Variants in KIRREL3 observed in about 807,000 individuals in gnomAD.
KIRREL3 encodes kirre like nephrin family adhesion molecule 3.
KIRREL3 carries 36 observed loss-of-function variants against 89.7 expected under a neutral mutation model. That is an observed-to-expected ratio of 0.40 (90% CI 0.31 to 0.53). The LOEUF (loss-of-function observed/expected upper bound fraction) is 0.53. Ranked by LOEUF, KIRREL3 falls within the 20% of genes least tolerant of loss-of-function variation. The probability of loss-of-function intolerance (pLI) is 0.49; values close to 1 mark genes in which losing one functional copy is unlikely to be tolerated. For missense variants in KIRREL3, 864 were observed against 1,056.6 expected (o/e 0.82, Z 2.53); for synonymous variants, 445 against 441.4 (o/e 1.01, Z -0.10).
At chr11:126,947,539 G>A (rs1305803099) in intron 1 of KIRREL3, among the ~76,000 whole-genome samples, 5 of 152,196 alleles carry the variant, frequency 3.3e-5, no homozygotes, top group East Asian at 1.9e-4. Flanking sequence ...ATTTGACAGC[G>A]TAGCTAAAAG....
rs1212730329 is a variant in KIRREL3 at position 126,614,427 on chromosome 11, G to A, written c.56-51515C>T. On this transcript the variant is annotated intron_variant, in intron 1 of 16. Coordinates refer to ENST00000525144, the MANE Select transcript of KIRREL3 (RefSeq NM_032531.4). The surrounding 1 kb of genome is among the most constrained non-coding windows in gnomAD (Gnocchi z 4.6). ...AAGGAAAGGTTGAACTAAGATGGAT[G>A]GGTTTTAATCTTAGCTGCGTATTAG... Among the ~76,000 whole-genome samples, 1 of 152,154 alleles carries A rather than the reference G, an allele frequency of 6.6e-6. No individual in the cohort carries two copies. Among genetic ancestry groups the A allele is most frequent in the Non-Finnish European group, 1.5e-5 (1 of 68,048 alleles).
At chr11:126,670,223 T>A (rs55633037) in intron 1 of KIRREL3, among the ~76,000 whole-genome samples, 46,103 of 152,148 alleles carry the variant, frequency 0.3, 7,244 homozygotes, top group East Asian at 0.4. Flanking sequence ...ATAATGATTT[T>A]AAAAAATCAG....
In KIRREL3 at chr11:126,653,577, T is replaced by C. The variant is rs971318815; in HGVS notation, c.56-90665A>G. Among the ~76,000 whole-genome samples, 31 of 152,286 alleles carry C rather than the reference T, an allele frequency of 2.0e-4. No homozygotes were observed. The highest frequency in any genetic ancestry group is 7.5e-4 in the African/African-American group (31 of 41,562). On this transcript the variant is annotated intron_variant, in intron 1 of 16. Coordinates refer to ENST00000525144, the MANE Select transcript of KIRREL3 (RefSeq NM_032531.4). The surrounding 1 kb of genome is among the most constrained non-coding windows in gnomAD (Gnocchi z 5.4). ...AAAAGCGGCACCGGAAGTGGCATTT[T>C]GCAAACTCCAATCCCCCAGGACCAC...
At chr11:126,661,705 A>G (rs1945410129) in intron 1 of KIRREL3, among the ~76,000 whole-genome samples, 1 of 152,222 alleles carries the variant, frequency 6.6e-6, no homozygotes, top group African/African-American at 2.4e-5. Context: ...GCATGTTAGA[A>G]TCACCTGAGG....
In KIRREL3 at chr11:126,570,226, G is replaced by A. The variant is rs1182844885; in HGVS notation, c.56-7314C>T. Among the ~76,000 whole-genome samples, 6 of 152,086 alleles carry A rather than the reference G, an allele frequency of 3.9e-5. No homozygotes were observed. Among genetic ancestry groups the A allele is most frequent in the Non-Finnish European group, 7.3e-5 (5 of 68,038 alleles). On this transcript the variant is annotated intron_variant, in intron 1 of 16. Transcript: ENST00000525144. This position sits in a 1 kb window ranked among gnomAD's most constrained non-coding sequence, Gnocchi z 6.1. ...AAATAACTATAAACTTTACGTTGTT[G>A]TAAAGACATAATTGCTTCTTCATTG...
chr11:126,545,443 C>A (rs1221014383), intron 2 of KIRREL3, among the ~76,000 whole-genome samples: 2 of 151,934 alleles, frequency 1.3e-5, no homozygotes, highest in African/African-American at 4.8e-5. Context: ...CCACCTGATG[C>A]CTGCCTGGGA....
chr11:126,660,727 A>G (rs1945360830), intron 1 of KIRREL3, among the ~76,000 whole-genome samples: 1 of 152,192 alleles, frequency 6.6e-6, no homozygotes, highest in South Asian at 2.1e-4. Context: ...AGTAAACCAT[A>G]AAACTGTCCC....
At chr11:126,518,896 C>T (rs1054773660) in intron 4 of KIRREL3, among the ~76,000 whole-genome samples, 2 of 152,212 alleles carry the variant, frequency 1.3e-5, no homozygotes, top group Admixed American at 6.5e-5. Flanking sequence ...AGGGAGTCAG[C>T]GAGGACTGCA....
intron 1 of KIRREL3, among the ~76,000 whole-genome samples, chr11:126,621,460 G>C (rs1218996456): frequency 1.3e-5 from 2 of 152,226 alleles, no homozygotes; most frequent in Non-Finnish European, 2.9e-5. Flanking sequence ...AGAATCTGCA[G>C]AGTGATAGCC....
chr11:126,586,447 C>T (rs1332728145), intron 1 of KIRREL3, among the ~76,000 whole-genome samples: 1 of 151,994 alleles, frequency 6.6e-6, no homozygotes, highest in Non-Finnish European at 1.5e-5. Flanking sequence ...CCTCTCTACT[C>T]ACAGGAGCAC....
rs986609407 is a variant in KIRREL3 at position 126,574,962 on chromosome 11, A to G, written c.56-12050T>C. Among the ~76,000 whole-genome samples, 1 of 152,190 alleles carries G rather than the reference A, an allele frequency of 6.6e-6. No individual in the cohort carries two copies. The highest frequency in any genetic ancestry group is 6.5e-5 in the Admixed American group (1 of 15,282). The stretch of plus-strand genomic sequence containing the variant: ...TCGGTGCACATGGGAGGTGGGGATC[A>G]GTGTGTCTCTGGGACCTATTTACCC... On this transcript the variant is annotated intron_variant, in intron 1 of 16. Coordinates refer to ENST00000525144, the MANE Select transcript of KIRREL3 (RefSeq NM_032531.4). The surrounding 1 kb of genome is among the most constrained non-coding windows in gnomAD (Gnocchi z 5.3).
chr11:126,779,009 G>A (rs1950247996), intron 1 of KIRREL3, among the ~76,000 whole-genome samples: 1 of 152,154 alleles, frequency 6.6e-6, no homozygotes, highest in East Asian at 1.9e-4. Flanking sequence ...TGCCTTCCAT[G>A]CCCAGAATTG....
intron 1 of KIRREL3, among the ~76,000 whole-genome samples, chr11:126,595,016 G>A (rs1041268395): frequency 1.3e-5 from 2 of 152,216 alleles, no homozygotes; most frequent in Non-Finnish European, 2.9e-5. Flanking sequence ...CGTCCTGAGC[G>A]TGCCCTGAAG....
rs7116425 is a variant in KIRREL3 at position 126,516,052 on chromosome 11, T to C, written c.433+5263A>G. 0.38 allele frequency among the ~76,000 whole-genome samples: 57,829 copies of C among 152,054 alleles called. 11,975 individuals carry two copies. Among genetic ancestry groups the C allele is most frequent in the African/African-American group, 0.53 (22,076 of 41,450 alleles). Reference sequence around the variant, plus strand: ...GTGGGCTGAGGAGGCCCTGCAGCTCTGCTGGTAGAGCTGTGGCAAAGGGAG... The same window carrying C: ...GTGGGCTGAGGAGGCCCTGCAGCTCCGCTGGTAGAGCTGTGGCAAAGGGAG... On this transcript the variant is annotated intron_variant, in intron 4 of 16. Coordinates refer to ENST00000525144, the MANE Select transcript of KIRREL3 (RefSeq NM_032531.4). This position sits in a 1 kb window ranked among gnomAD's most constrained non-coding sequence, Gnocchi z 4.9.
At chr11:126,472,126 A>G (rs1184945007) in intron 5 of KIRREL3, among the ~76,000 whole-genome samples, 1 of 152,206 alleles carries the variant, frequency 6.6e-6, no homozygotes, top group African/African-American at 2.4e-5. Flanking sequence ...ATATATAATG[A>G]CTGTCTTCTT....
intron 1 of KIRREL3, among the ~76,000 whole-genome samples, chr11:126,846,744 T>C (rs10893588): frequency 0.85 from 129,171 of 152,214 alleles, 55,015 homozygotes; most frequent in East Asian, 1. Flanking sequence ...TGGTAAAAGA[T>C]TATAAGAAGC....
intron 1 of KIRREL3, among the ~76,000 whole-genome samples, chr11:126,974,492 C>T (rs1399260496): frequency 8.1e-6 from 1 of 122,866 alleles, no homozygotes; most frequent in Non-Finnish European, 1.8e-5. Flanking sequence ...ACCTAGGCTA[C>T]ATGATATAGC....
In KIRREL3 at chr11:126,763,179, G is replaced by A. The variant is rs1949715838; in HGVS notation, c.56-200267C>T. 1.3e-5 allele frequency among the ~76,000 whole-genome samples: 2 copies of A among 152,200 alleles called. No homozygotes were observed. The highest frequency in any genetic ancestry group is 4.1e-4 in the South Asian group (2 of 4,826). ...TCTGGCTCTGTTGTCAGCAAGCTGTGTGATCTTGAACAACTCCTCTTCTCC... is the reference window on the plus strand; with the variant it reads ...TCTGGCTCTGTTGTCAGCAAGCTGTATGATCTTGAACAACTCCTCTTCTCC... On this transcript the variant is annotated intron_variant, in intron 1 of 16. Transcript: ENST00000525144. The surrounding 1 kb of genome is among the most constrained non-coding windows in gnomAD (Gnocchi z 4.7).
At chr11:126,868,948 T>C (rs1173700062) in intron 1 of KIRREL3, among the ~76,000 whole-genome samples, 1 of 152,058 alleles carries the variant, frequency 6.6e-6, no homozygotes, top group Non-Finnish European at 1.5e-5. Flanking sequence ...GAGGTTTCTT[T>C]TATAAAAGCA....
Sources: gnomAD v4.1 joint callset for allele counts (sites outside exome capture counted in the v4.1 genomes callset) on GRCh38, gnomAD v4.1.1 for gene constraint, Gnocchi (gnomAD v3.1) non-coding constraint, MANE v1.5 for transcripts, NCBI Gene and HGNC (gene_info 2026-07-23, HGNC 2026-07-21) for gene names.